Variants in ZNF385D observed in about 807,000 individuals in gnomAD.
ZNF385D encodes zinc finger protein 385D.
Under a neutral mutation model 35.8 loss-of-function variants are expected in ZNF385D, and 15 were observed. That is an observed-to-expected ratio of 0.42 (90% CI 0.28 to 0.64). ZNF385D has a LOEUF of 0.64. Among genes scored for constraint, ZNF385D ranks in the 30% least tolerant of loss-of-function variants. The pLI, the probability that ZNF385D is intolerant of heterozygous loss-of-function variation, is 0.23. For synonymous variants in ZNF385D, 212 were observed against 186.8 expected (o/e 1.13, Z -1.10); for missense variants, 474 against 494.6 (o/e 0.96, Z 0.39).
intron 2 of ZNF385D, among the ~76,000 whole-genome samples, chr3:22,365,896 GTTGTTA>G (rs1696635575): frequency 6.6e-6 from 1 of 151,986 alleles, no homozygotes; most frequent in Non-Finnish European, 1.5e-5. Flanking sequence ...ATATGTTTCT[GTTGTTA>G]TTATTATTCC....
At chr3:21,485,694 TAGTAAC>T (rs796623844) in intron 4 of ZNF385D, among the ~76,000 whole-genome samples, 67 of 152,204 alleles carry the variant, frequency 4.4e-4, no homozygotes, top group African/African-American at 1.3e-3. Context: ...TCATAATAAA[TAGTAAC>T]AGTAACTTTC....
chr3:21,793,000 T>C (rs13097293), intron 3 of ZNF385D, among the ~76,000 whole-genome samples: 2 of 152,206 alleles, frequency 1.3e-5, no homozygotes, highest in African/African-American at 2.4e-5. Flanking sequence ...TAACATTTTA[T>C]ACCCAACTTT....
At chr3:21,496,357 A>G (rs889311898) in intron 4 of ZNF385D, among the ~76,000 whole-genome samples, 2 of 144,478 alleles carry the variant, frequency 1.4e-5, no homozygotes, top group African/African-American at 2.5e-5. Flanking sequence ...ATATATGTAT[A>G]TATCATATAT....
At chr3:22,029,951 G>A (rs773683405) in intron 3 of ZNF385D, among the ~76,000 whole-genome samples, 3 of 151,944 alleles carry the variant, frequency 2.0e-5, no homozygotes, top group Non-Finnish European at 4.4e-5. Context: ...CTGTGAGGGT[G>A]TTGCTGAAGG....
intron 3 of ZNF385D, among the ~76,000 whole-genome samples, chr3:21,886,394 T>G (rs1475835922): frequency 6.6e-6 from 1 of 152,078 alleles, no homozygotes; most frequent in Non-Finnish European, 1.5e-5. Context: ...ACCCCTTTTC[T>G]TGGTTCAGAA....
intron 5 of ZNF385D, among the ~76,000 whole-genome samples, chr3:21,434,737 G>T (rs1227699445): frequency 1.3e-5 from 2 of 152,124 alleles, no homozygotes; most frequent in African/African-American, 4.8e-5. Context: ...TCTAAGGAGA[G>T]CTCTAAAATG....
intron 2 of ZNF385D, among the ~76,000 whole-genome samples, chr3:21,630,117 T>C (rs2065240191): frequency 6.6e-6 from 1 of 152,010 alleles, no homozygotes; most frequent in Non-Finnish European, 1.5e-5. Flanking sequence ...AAATTTTTCC[T>C]CAAAATTTAT....
At chr3:22,343,884 A>G (rs7623065) in intron 2 of ZNF385D, among the ~76,000 whole-genome samples, 65,302 of 151,826 alleles carry the variant, frequency 0.43, 16,446 homozygotes, top group African/African-American at 0.7. Flanking sequence ...TTAATTCCCC[A>G]ACTACTGGGC....
chr3:22,099,731 A>T (rs1332092407), intron 3 of ZNF385D, among the ~76,000 whole-genome samples: 1 of 151,964 alleles, frequency 6.6e-6, no homozygotes, highest in Non-Finnish European at 1.5e-5. Context: ...GATGGAGCGT[A>T]AGGAGAGCTG....
At chr3:22,144,160 A>C (rs79765850) in intron 3 of ZNF385D, among the ~76,000 whole-genome samples, 7,411 of 152,336 alleles carry the variant, frequency 0.049, 240 homozygotes, top group Non-Finnish European at 0.076. Flanking sequence ...TTTTTAGCTA[A>C]ATTTAAGTAG....
At chr3:22,243,414 A>C (rs899708401) in intron 2 of ZNF385D, among the ~76,000 whole-genome samples, 1 of 151,096 alleles carries the variant, frequency 6.6e-6, no homozygotes, top group African/African-American at 2.4e-5. Context: ...GGAAACAGTG[A>C]GTTGACAAGA....
chr3:21,937,734 C>T (rs1379903107), intron 3 of ZNF385D, among the ~76,000 whole-genome samples: 1 of 151,980 alleles, frequency 6.6e-6, no homozygotes, highest in Non-Finnish European at 1.5e-5. Flanking sequence ...AATGTGTTTT[C>T]CTTTTAATGA....
intron 3 of ZNF385D, among the ~76,000 whole-genome samples, chr3:22,028,867 C>T (rs1697733534): frequency 6.6e-6 from 1 of 152,092 alleles, no homozygotes; most frequent in Non-Finnish European, 1.5e-5. Flanking sequence ...AACTAGGGGA[C>T]TATACTTTGC....
At chr3:22,191,352 T>C (rs1696014412) in intron 2 of ZNF385D, among the ~76,000 whole-genome samples, 1 of 151,932 alleles carries the variant, frequency 6.6e-6, no homozygotes, top group Non-Finnish European at 1.5e-5. Context: ...CCGCGCATGG[T>C]GGTGCATGCC....
At chr3:21,907,355 C>CTTAT (rs1454093909) in intron 3 of ZNF385D, among the ~76,000 whole-genome samples, 3 of 151,860 alleles carry the variant, frequency 2.0e-5, no homozygotes, top group African/African-American at 7.3e-5. Flanking sequence ...TAAATTGTTA[C>CTTAT]TATAAAATGG....
chr3:21,538,674 C>G (rs1224322615), intron 3 of ZNF385D, among the ~76,000 whole-genome samples: 1 of 152,022 alleles, frequency 6.6e-6, no homozygotes, highest in African/African-American at 2.4e-5. Flanking sequence ...AAATGTTCTG[C>G]CAACATGTAA....
At chr3:21,871,353 G>T (rs1697682248) in intron 3 of ZNF385D, among the ~76,000 whole-genome samples, 1 of 152,068 alleles carries the variant, frequency 6.6e-6, no homozygotes, top group Non-Finnish European at 1.5e-5. Flanking sequence ...TTTAGACCTT[G>T]CTTAATTCTT....
chr3:22,290,540 C>T (rs1237087146), intron 2 of ZNF385D, among the ~76,000 whole-genome samples: 2 of 152,154 alleles, frequency 1.3e-5, no homozygotes, highest in Non-Finnish European at 2.9e-5. Context: ...GGCACTCATT[C>T]CCGGATGCCC....
chr3:22,104,937 G>C (rs576336926), intron 3 of ZNF385D, among the ~76,000 whole-genome samples: 2 of 152,254 alleles, frequency 1.3e-5, no homozygotes, highest in Admixed American at 6.5e-5. Flanking sequence ...ATGTTTTACT[G>C]AAGCTTGTTG....
Sources: allele counts gnomAD v4.1 joint callset (sites outside exome capture counted in the v4.1 genomes callset), GRCh38; gene constraint gnomAD v4.1.1; transcripts MANE v1.5; gene names NCBI Gene and HGNC (gene_info 2026-07-23, HGNC 2026-07-21).